The following SLCO5A1 variants were observed in gnomAD, a reference collection of about 807,000 sequenced individuals.
The protein encoded by SLCO5A1 is solute carrier organic anion transporter family member 5A1, also known as organic anion transporter polypeptide-related protein 4.
Under a neutral mutation model 65.1 loss-of-function variants are expected in SLCO5A1, and 39 were observed. That is an observed-to-expected ratio of 0.60 (90% CI 0.46 to 0.78). SLCO5A1 has a LOEUF of 0.78. SLCO5A1 is among the 30% of genes least tolerant of loss of function. The probability of loss-of-function intolerance (pLI) is 0.00; values close to 1 mark genes in which losing one functional copy is unlikely to be tolerated. For synonymous variants in SLCO5A1, 438 were observed against 415.7 expected, an observed-to-expected ratio of 1.05 and a Z score of -0.65; for missense variants, 1,029 against 1,069.4, an observed-to-expected ratio of 0.96 and a Z score of 0.53.
intron 6 of SLCO5A1, among the ~76,000 whole-genome samples, chr8:69,697,698 A>G (rs369394172): frequency 9.2e-5 from 14 of 152,308 alleles, no homozygotes; most frequent in African/African-American, 3.4e-4. Flanking sequence ...CTTGAAAAAA[A>G]GTATTCTGAA....
intron 5 of SLCO5A1, among the ~76,000 whole-genome samples, chr8:69,730,167 A>G (rs1213914734): frequency 3.3e-5 from 5 of 152,354 alleles, no homozygotes; most frequent in Non-Finnish European, 7.3e-5. Context: ...AAAAGCCTAC[A>G]TCTAGTTAAG....
At position 69,701,936 on chromosome 8, in the gene SLCO5A1, A is replaced by G. The variant is rs979834677; in HGVS notation, c.1622+3095T>C. Among the ~76,000 whole-genome samples the G allele has an allele frequency of 3.9e-5, 6 of 152,248 alleles. No individual in the cohort carries two copies. In the East Asian group the frequency reaches 9.6e-4, roughly 24 times the overall value. ...AAAAAAGGATTTGACCACAATTTGTAAAGGTAAAGTGAAGCTCCTCATTTG... is the reference window on the plus strand; with the variant it reads ...AAAAAAGGATTTGACCACAATTTGTGAAGGTAAAGTGAAGCTCCTCATTTG... On this transcript the variant is annotated intron_variant, in intron 6 of 9. Transcript: ENST00000260126.
intron 2 of SLCO5A1, among the ~76,000 whole-genome samples, chr8:69,826,433 A>G (rs1300722855): frequency 6.6e-6 from 1 of 151,992 alleles, no homozygotes; most frequent in Non-Finnish European, 1.5e-5. Flanking sequence ...CAAATTTACA[A>G]GAAAAAAACA....
chr8:69,792,970 G>T (rs1431649019), intron 2 of SLCO5A1, among the ~76,000 whole-genome samples: 3 of 151,738 alleles, frequency 2.0e-5, no homozygotes, highest in South Asian at 2.1e-4. Flanking sequence ...TTGTTGTTTG[G>T]TTTTTTTGTT....
At position 69,671,072 on chromosome 8, in the gene SLCO5A1, C is replaced by T. The variant is rs1813314840; in HGVS notation, c.*1797G>A. The T allele has an allele frequency of 6.6e-6, 1 of 152,336 alleles. No homozygotes were observed. Among genetic ancestry groups the T allele is most frequent in the African/African-American group, 2.4e-5 (1 of 41,446 alleles). 9.4% of individuals were successfully genotyped at this position (152,336 alleles called of 1,614,324 possible). ...TAACCAAGCAAGAATCCTCACCTCC[C>T]CGAGAGCCAAGCCCAGGAACCAGAG... On this transcript the variant is annotated 3_prime_UTR_variant, in exon 10 of 10. Coordinates refer to ENST00000260126, the MANE Select transcript of SLCO5A1 (RefSeq NM_030958.3).
At chr8:69,750,392 C>T (rs1817240189) in intron 4 of SLCO5A1, among the ~76,000 whole-genome samples, 1 of 152,100 alleles carries the variant, frequency 6.6e-6, no homozygotes, top group South Asian at 2.1e-4. Flanking sequence ...CCTAATCTAC[C>T]TCTTTGAGTG....
At chr8:69,715,946 GA>G (rs1179556905) in intron 5 of SLCO5A1, among the ~76,000 whole-genome samples, 1 of 152,104 alleles carries the variant, frequency 6.6e-6, no homozygotes, top group East Asian at 1.9e-4. Context: ...GCCCTAAAAA[GA>G]AACACCACAC....
chr8:69,733,578 G>A (rs73285545), intron 5 of SLCO5A1, among the ~76,000 whole-genome samples: 22,334 of 152,104 alleles, frequency 0.15, 2,101 homozygotes, highest in African/African-American at 0.25. Context: ...TGTAATCCCC[G>A]TAATCTCCAT....
chr8:69,816,465 A>AC (rs1181130022), intron 2 of SLCO5A1, among the ~76,000 whole-genome samples: 1 of 152,050 alleles, frequency 6.6e-6, no homozygotes, highest in Non-Finnish European at 1.5e-5. Context: ...CAGCTGTGGG[A>AC]CCCCCATCTC....
At chr8:69,786,782 A>G (rs1399055549) in intron 2 of SLCO5A1, among the ~76,000 whole-genome samples, 1 of 152,354 alleles carries the variant, frequency 6.6e-6, no homozygotes, top group East Asian at 1.9e-4. Flanking sequence ...TAATTGAGGA[A>G]AATGATGTCT....
intron 2 of SLCO5A1, among the ~76,000 whole-genome samples, chr8:69,789,871 C>T (rs1478078165): frequency 6.6e-6 from 1 of 151,846 alleles, no homozygotes; most frequent in East Asian, 1.9e-4. Flanking sequence ...TCAATAATAA[C>T]TTAACTGTAC....
rs959111263 is a variant in SLCO5A1 at position 69,670,845 on chromosome 8, A to G, written c.*2024T>C. 1 of 152,178 alleles carries G rather than the reference A, an allele frequency of 6.6e-6. No individual in the cohort carries two copies. Among genetic ancestry groups the G allele is most frequent in the Non-Finnish European group, 1.5e-5 (1 of 68,046 alleles). 9.4% of individuals were successfully genotyped at this position (152,178 alleles called of 1,614,324 possible). A position where few individuals can be genotyped will look rare whatever the true frequency, so the allele number is the denominator to read the frequency against. On this transcript the variant is annotated 3_prime_UTR_variant, in exon 10 of 10. Coordinates refer to ENST00000260126, the MANE Select transcript of SLCO5A1 (RefSeq NM_030958.3). ...AAAACACCACACCTCTCCAATCTAC[A>G]TATCTTTAACTCCCACACCAAAGGA...
At chr8:69,808,604 T>C (rs1755724228) in intron 2 of SLCO5A1, among the ~76,000 whole-genome samples, 1 of 152,232 alleles carries the variant, frequency 6.6e-6, no homozygotes, top group Non-Finnish European at 1.5e-5. Context: ...ATCTTTGCTA[T>C]TGTGAATAGT....
In SLCO5A1 at chr8:69,805,273, C is replaced by T. The variant is rs574326191; in HGVS notation, c.907+26494G>A. ...TTCTAAAACAAACCAAAAACTCTCA[C>T]AGGGAAATCCCAATGGCCACTCTAA... On this transcript the variant is annotated intron_variant, in intron 2 of 9. Coordinates refer to ENST00000260126, the MANE Select transcript of SLCO5A1 (RefSeq NM_030958.3). Among the ~76,000 whole-genome samples, 11 of 152,226 alleles carry T rather than the reference C, an allele frequency of 7.2e-5. No homozygotes were observed. In the East Asian group the frequency reaches 2.1e-3, roughly 29 times the overall value.
intron 2 of SLCO5A1, among the ~76,000 whole-genome samples, chr8:69,826,414 G>A (rs1225727385): frequency 1.3e-5 from 2 of 151,570 alleles, no homozygotes; most frequent in African/African-American, 4.8e-5. Context: ...AATCTACAAT[G>A]AACTCAAACA....
chr8:69,824,576 G>A (rs989213055), intron 2 of SLCO5A1, among the ~76,000 whole-genome samples: 12 of 152,286 alleles, frequency 7.9e-5, no homozygotes, highest in Non-Finnish European at 1.0e-4. Flanking sequence ...GACTAAACCA[G>A]GAAGAAGTTG....
chr8:69,728,199 G>A (rs1288344720), intron 5 of SLCO5A1, among the ~76,000 whole-genome samples: 4 of 152,066 alleles, frequency 2.6e-5, no homozygotes, highest in Non-Finnish European at 5.9e-5. Context: ...GTAAAATACC[G>A]ATGTATATAT....
chr8:69,697,196 C>T (rs1814534004), intron 6 of SLCO5A1, among the ~76,000 whole-genome samples: 1 of 152,202 alleles, frequency 6.6e-6, no homozygotes, highest in Non-Finnish European at 1.5e-5. Context: ...CAACAAATAT[C>T]ATACATATTT....
rs1449543921 is a variant in SLCO5A1 at position 69,672,655 on chromosome 8, C to T, written c.*214G>A. The T allele has an allele frequency of 3.5e-6, 2 of 575,314 alleles. No individual in the cohort carries two copies. Among genetic ancestry groups the T allele is most frequent in the Admixed American group, 3.1e-5 (1 of 31,828 alleles). 35.6% of individuals were successfully genotyped at this position (575,314 alleles called of 1,614,324 possible). A position where few individuals can be genotyped will look rare whatever the true frequency, so the allele number is the denominator to read the frequency against. On this transcript the variant is annotated 3_prime_UTR_variant, in exon 10 of 10. Transcript: ENST00000260126. ...GGAAATGGGAACAAATCTAGCTGAA[C>T]GTCTCCTTCTTGGAGAGAAGCGGGG...
Sources: gnomAD v4.1 joint callset for allele counts (sites outside exome capture counted in the v4.1 genomes callset) on GRCh38, gnomAD v4.1.1 for gene constraint, MANE v1.5 for transcripts, NCBI Gene and HGNC (gene_info 2026-07-23, HGNC 2026-07-21) for gene names.